COBL: variants seen among roughly 807,000 people sequenced by gnomAD.
COBL encodes the protein cordon-bleu WH2 repeat protein, also known as protein cordon-bleu.
Under a neutral mutation model 98.8 loss-of-function variants are expected in COBL, and 51 were observed. That is an observed-to-expected ratio of 0.52 (90% CI 0.41 to 0.65). The LOEUF (loss-of-function observed/expected upper bound fraction) is 0.65. Among genes scored for constraint, COBL ranks in the 30% least tolerant of loss-of-function variants. The pLI is 0.00. For synonymous variants in COBL, 634 were observed against 651.7 expected (o/e 0.97, Z 0.41); for missense variants, 1,617 against 1,617.5 (o/e 1.00, Z 0.01).
rs190026061 is a variant in COBL at position 51,087,988 on chromosome 7, T to G, written c.958-2684A>C. Among the ~76,000 whole-genome samples the G allele has an allele frequency of 1.7e-4, 26 of 152,188 alleles. No homozygotes were observed. The East Asian group carries it at 5.0e-3, about 29-fold the overall frequency. On this transcript the variant is annotated intron_variant, in intron 6 of 12. Transcript: ENST00000265136. ...TCAAAATGCTAAGCCATTACTCCACTGTCTCCTAGTTTGGAACTGTTCAGC... is the reference window on the plus strand; with the variant it reads ...TCAAAATGCTAAGCCATTACTCCACGGTCTCCTAGTTTGGAACTGTTCAGC...
intron 12 of COBL, among the ~76,000 whole-genome samples, chr7:51,020,722 G>A (rs535133723): frequency 6.6e-6 from 1 of 152,328 alleles, no homozygotes; most frequent in South Asian, 2.1e-4. Context: ...GGAAGTGGGT[G>A]CACATGCAGC....
intron 7 of COBL, among the ~76,000 whole-genome samples, chr7:51,069,751 T>C (rs1487010111): frequency 1.3e-5 from 2 of 152,220 alleles, no homozygotes; most frequent in Admixed American, 6.5e-5. Flanking sequence ...ACACAAAACA[T>C]ACAAGGAAAG....
chr7:51,056,176 A>T (rs1265893738), intron 7 of COBL, among the ~76,000 whole-genome samples: 2 of 143,934 alleles, frequency 1.4e-5, no homozygotes, highest in East Asian at 4.6e-4. Context: ...ATGTTTGTAA[A>T]CTACGTCAAA....
intron 1 of COBL, among the ~76,000 whole-genome samples, chr7:51,297,936 C>A (rs975785483): frequency 5.3e-5 from 8 of 152,182 alleles, no homozygotes; most frequent in African/African-American, 1.9e-4. Flanking sequence ...CAAAGTATGA[C>A]CACAAATGTT....
At chr7:51,208,602 G>A (rs1189870501) in intron 2 of COBL, among the ~76,000 whole-genome samples, 4 of 152,254 alleles carry the variant, frequency 2.6e-5, no homozygotes, top group East Asian at 1.9e-4. Flanking sequence ...TGACAGTGGC[G>A]GTTTTGTGCA....
intron 5 of COBL, among the ~76,000 whole-genome samples, chr7:51,180,269 C>A (rs6946569): frequency 6.4e-4 from 97 of 152,262 alleles, no homozygotes; most frequent in Non-Finnish European, 1.1e-3. Flanking sequence ...ATGGCTGGCC[C>A]GGTTCCTTGT....
At chr7:51,132,697 T>C (rs1490282524) in intron 6 of COBL, among the ~76,000 whole-genome samples, 1 of 152,170 alleles carries the variant, frequency 6.6e-6, no homozygotes, top group Non-Finnish European at 1.5e-5. Flanking sequence ...GGCTCATGGT[T>C]CCATAGACTG....
intron 1 of COBL, among the ~76,000 whole-genome samples, chr7:51,244,793 C>G (rs781407935): frequency 6.6e-6 from 1 of 152,140 alleles, no homozygotes; most frequent in Non-Finnish European, 1.5e-5. Context: ...TTCCAAGTCC[C>G]GGAAGACCTC....
At chr7:51,263,745 C>T (rs535334112) in intron 1 of COBL, among the ~76,000 whole-genome samples, 49 of 152,272 alleles carry the variant, frequency 3.2e-4, no homozygotes, top group Admixed American at 1.0e-3. Flanking sequence ...ACAGAACCAG[C>T]CAGACTGGTT....
Position 51,245,041 on chromosome 7 carries a change from C to T in COBL, c.42-25097G>A, listed in dbSNP as rs140492775. Among the ~76,000 whole-genome samples, 953 of 152,230 alleles carry T rather than the reference C, an allele frequency of 6.3e-3. 13 individuals carry two copies. Among genetic ancestry groups the T allele is most frequent in the African/African-American group, 0.022 (898 of 41,504 alleles). Reference sequence around the variant, plus strand: ...TCCTTCCATTCAAAAGAGGAAACGCCTCCAAAGAGGAGCCCTACACCCAAT... The same window carrying T: ...TCCTTCCATTCAAAAGAGGAAACGCTTCCAAAGAGGAGCCCTACACCCAAT... On this transcript the variant is annotated intron_variant, in intron 1 of 12. Coordinates refer to ENST00000265136, the MANE Select transcript of COBL (RefSeq NM_015198.5).
intron 7 of COBL, chr7:51,064,541 T>A (rs1214462485): frequency 2.0e-5 from 3 of 152,360 alleles, no homozygotes. Context: ...GGAATTCTGT[T>A]ATATGCTACA....
chr7:51,243,051 G>T (rs1047021055), intron 1 of COBL, among the ~76,000 whole-genome samples: 3 of 152,172 alleles, frequency 2.0e-5, no homozygotes, highest in Non-Finnish European at 2.9e-5. Flanking sequence ...AATTTTCTGC[G>T]CTTGTTAAAC....
In COBL at chr7:51,238,210, C is replaced by T. The variant is rs941952702; in HGVS notation, c.42-18266G>A. On this transcript the variant is annotated intron_variant, in intron 1 of 12. Transcript: ENST00000265136. ...TTGCCATGGTAGATTTGTTCAACTA[C>T]CAGTTTTGTATCCTGAAGCACGGAA... Among the ~76,000 whole-genome samples the T allele has an allele frequency of 5.3e-5, 8 of 152,198 alleles. No individual in the cohort carries two copies. The East Asian group carries it at 7.7e-4, about 15-fold the overall frequency.
rs779972742 is a variant in COBL at position 51,141,319 on chromosome 7, A to ATAC, written c.784-4991_784-4989dup. Among the ~76,000 whole-genome samples the ATAC allele has an allele frequency of 7.2e-5, 11 of 152,318 alleles. No individual in the cohort carries two copies. In the South Asian group the frequency reaches 8.3e-4, roughly 11 times the overall value. ...GGGATATGTTTTGGTTACAATAAGT[A>ATAC]TACTCTGAGCTGGCAATCAACAATC... On this transcript the variant is annotated intron_variant, in intron 5 of 12. Coordinates refer to ENST00000265136, the MANE Select transcript of COBL (RefSeq NM_015198.5).
intron 2 of COBL, among the ~76,000 whole-genome samples, chr7:51,194,714 T>G (rs1167498052): frequency 6.6e-6 from 1 of 152,218 alleles, no homozygotes; most frequent in Non-Finnish European, 1.5e-5. Flanking sequence ...TAATGATCAC[T>G]GATGTTGAGC....
intron 6 of COBL, among the ~76,000 whole-genome samples, chr7:51,123,781 T>C (rs1797952282): frequency 6.6e-6 from 1 of 152,206 alleles, no homozygotes; most frequent in Non-Finnish European, 1.5e-5. Flanking sequence ...CAAGATCATG[T>C]TGAAGTGACT....
rs1203825520 is a variant in COBL at position 51,054,401 on chromosome 7, G to A, written c.1097-10709C>T. On this transcript the variant is annotated intron_variant, in intron 7 of 12. Transcript: ENST00000265136. ...CGTTTTGCTGTGCAGGCCTCTTCAC[G>A]CTCCTTGAAGGTGAAGGACTCTTCA... Among the ~76,000 whole-genome samples, 10 of 152,138 alleles carry A rather than the reference G, an allele frequency of 6.6e-5. 1 individual carries two copies. Among genetic ancestry groups the A allele is most frequent in the Admixed American group, 5.2e-4 (8 of 15,278 alleles).
At chr7:51,127,480 G>T (rs1273143157) in intron 6 of COBL, among the ~76,000 whole-genome samples, 3 of 152,200 alleles carry the variant, frequency 2.0e-5, no homozygotes, top group Non-Finnish European at 4.4e-5. Flanking sequence ...GAGGGTGCAG[G>T]TTCCTGTACA....
intron 8 of COBL, among the ~76,000 whole-genome samples, chr7:51,038,396 C>T (rs1232910721): frequency 6.6e-6 from 1 of 152,178 alleles, no homozygotes; most frequent in Non-Finnish European, 1.5e-5. Context: ...CAACATGGCT[C>T]TCTCCTTGGA....
Sources: gnomAD v4.1 joint callset for allele counts (sites outside exome capture counted in the v4.1 genomes callset) on GRCh38, gnomAD v4.1.1 for gene constraint, MANE v1.5 for transcripts, NCBI Gene and HGNC (gene_info 2026-07-23, HGNC 2026-07-21) for gene names.